Variants in GLIS1 observed in about 807,000 individuals in gnomAD.
GLIS1 encodes GLIS family zinc finger 1.
A neutral mutation model predicts 63.8 loss-of-function variants in GLIS1; 24 were observed. That is an observed-to-expected ratio of 0.38 (90% CI 0.27 to 0.53). The LOEUF (loss-of-function observed/expected upper bound fraction) is 0.53. Among genes scored for constraint, GLIS1 ranks in the 20% least tolerant of loss-of-function variants. The probability of loss-of-function intolerance (pLI) is 0.85; values close to 1 mark genes in which losing one functional copy is unlikely to be tolerated. For missense variants in GLIS1, 1,036 were observed against 1,074.1 expected (o/e 0.96, Z 0.50); for synonymous variants, 450 against 482.5 (o/e 0.93, Z 0.88).
intron 4 of GLIS1, among the ~76,000 whole-genome samples, chr1:53,553,166 C>T (rs1644779231): frequency 6.6e-6 from 1 of 150,928 alleles, no homozygotes; most frequent in African/African-American, 2.5e-5. Flanking sequence ...GGCGAGCACA[C>T]ATTGTGCTTC....
chr1:53,514,438 T>C (rs1644328701), intron 8 of GLIS1, among the ~76,000 whole-genome samples, 187 bp downstream of exon 8: 1 of 152,204 alleles, frequency 6.6e-6, no homozygotes, highest in Non-Finnish European at 1.5e-5. Context: ...TCAGAGTTAC[T>C]GCAGGCACCA....
At chr1:53,597,583 C>G (rs895800996) in intron 3 of GLIS1, among the ~76,000 whole-genome samples, 1 of 151,982 alleles carries the variant, frequency 6.6e-6, no homozygotes, top group Non-Finnish European at 1.5e-5. Context: ...GGAGCCCAGG[C>G]GCTAGTTGCA....
chr1:53,525,005 C>T (rs1293257142), intron 5 of GLIS1, 118 bp from the exon 6 acceptor site: 1 of 750,524 alleles, frequency 1.3e-6, no homozygotes. Flanking sequence ...GCCAAGAGTA[C>T]TCTGCCTCAG....
rs539651772 is a variant in GLIS1, at chr1:53,511,559, C to T, written c.1884-1532G>A. On this transcript the variant is annotated intron_variant, in intron 8 of 10. Coordinates refer to ENST00000628545, the MANE Select transcript of GLIS1 (RefSeq NM_001367484.1). This position sits in a 1 kb window ranked among gnomAD's most constrained non-coding sequence, Gnocchi z 4.2. Reference sequence around the variant, plus strand: ...GGGCCTCGGTGCTGGGTCCCTGGCCCGGCCACTGATACACTGTGGGTCCCT... The same window carrying T: ...GGGCCTCGGTGCTGGGTCCCTGGCCTGGCCACTGATACACTGTGGGTCCCT... 1.3e-5 allele frequency among the ~76,000 whole-genome samples: 2 copies of T among 152,266 alleles called. No homozygotes were observed. The highest frequency in any genetic ancestry group is 4.1e-4 in the South Asian group (2 of 4,824).
chr1:53,634,760 C>G (rs549741664), intron 2 of GLIS1, among the ~76,000 whole-genome samples: 1 of 152,200 alleles, frequency 6.6e-6, no homozygotes, highest in Non-Finnish European at 1.5e-5. Context: ...CCACCTCACA[C>G]GTCCAACCCC....
At chr1:53,604,958 AC>A (rs1645355895) in intron 2 of GLIS1, among the ~76,000 whole-genome samples, 1 of 16,908 alleles carries the variant, frequency 5.9e-5, no homozygotes, top group Non-Finnish European at 1.1e-3. Flanking sequence ...ATATATATAC[AC>A]ACACACACAC....
chr1:53,609,094 C>T (rs764832596), intron 2 of GLIS1, among the ~76,000 whole-genome samples: 1 of 152,056 alleles, frequency 6.6e-6, no homozygotes, highest in Non-Finnish European at 1.5e-5. Context: ...GTGTTTCAAG[C>T]CTGTCACAGA....
At chr1:53,633,600 G>A (rs2100261403) in intron 2 of GLIS1, among the ~76,000 whole-genome samples, 1 of 152,118 alleles carries the variant, frequency 6.6e-6, no homozygotes, top group South Asian at 2.1e-4. Flanking sequence ...TCCATGTCTG[G>A]AAGAAATTAG....
intron 2 of GLIS1, among the ~76,000 whole-genome samples, chr1:53,661,689 C>T (rs946563105): frequency 6.6e-6 from 1 of 152,206 alleles, no homozygotes; most frequent in South Asian, 2.1e-4. Flanking sequence ...ACCCGAGACT[C>T]CTCCTCCCCA....
chr1:53,516,145 T>C (rs1361615499), intron 7 of GLIS1, among the ~76,000 whole-genome samples: 2 of 152,112 alleles, frequency 1.3e-5, no homozygotes, highest in African/African-American at 4.8e-5. Context: ...TCCATTCTGA[T>C]TGGCCAGTGT....
intron 2 of GLIS1, among the ~76,000 whole-genome samples, chr1:53,673,763 A>C (rs1237924040): frequency 6.6e-6 from 1 of 152,236 alleles, no homozygotes. Context: ...ACTCTCCATT[A>C]TACATTCCCT....
chr1:53,627,383 CG>C (rs1157238146), intron 2 of GLIS1, among the ~76,000 whole-genome samples: 2 of 152,146 alleles, frequency 1.3e-5, no homozygotes, highest in African/African-American at 2.4e-5. Context: ...AAGTTATCTG[CG>C]CTTGTGGAGA....
At chr1:53,585,772 T>A (rs1645129066) in intron 4 of GLIS1, among the ~76,000 whole-genome samples, 1 of 152,190 alleles carries the variant, frequency 6.6e-6, no homozygotes. Context: ...GCAGGAGTAC[T>A]GGAATGGGAG....
rs190636248 is a variant in GLIS1 at position 53,601,404 on chromosome 1, T to C, written c.260-1126A>G. Reference sequence around the variant, plus strand: ...GCCTTGCAGATACAATAAAACATGATTGATAGGCCCAAGTATGGCCAACCC... The same window carrying C: ...GCCTTGCAGATACAATAAAACATGACTGATAGGCCCAAGTATGGCCAACCC... On this transcript the variant is annotated intron_variant, in intron 2 of 10. Transcript: ENST00000628545. Among the ~76,000 whole-genome samples, 8 of 152,334 alleles carry C rather than the reference T, an allele frequency of 5.3e-5. No individual in the cohort carries two copies. In the East Asian group the frequency reaches 1.2e-3, roughly 22 times the overall value.
intron 2 of GLIS1, among the ~76,000 whole-genome samples, chr1:53,614,593 A>G (rs1185573909): frequency 6.6e-6 from 1 of 152,216 alleles, no homozygotes; most frequent in Admixed American, 6.5e-5. Context: ...GACAGGTGGG[A>G]AACGCTCTCT....
intron 2 of GLIS1, among the ~76,000 whole-genome samples, chr1:53,731,322 G>A (rs562943805): frequency 1.3e-4 from 20 of 152,326 alleles, no homozygotes; most frequent in African/African-American, 3.8e-4. Flanking sequence ...CCCTACGGAG[G>A]CAGAGTATCC....
At chr1:53,538,010 A>G (rs1434920406) in intron 4 of GLIS1, among the ~76,000 whole-genome samples, 1 of 152,220 alleles carries the variant, frequency 6.6e-6, no homozygotes, top group East Asian at 1.9e-4. Flanking sequence ...GCGTTTGGCC[A>G]GCTTTAAAGG....
intron 4 of GLIS1, among the ~76,000 whole-genome samples, chr1:53,579,292 C>A (rs1050255127): frequency 2.6e-5 from 4 of 152,316 alleles, no homozygotes; most frequent in African/African-American, 9.6e-5. Context: ...TCCTGGGGCC[C>A]AGGCCTACTC....
chr1:53,684,079 G>A (rs1441559598), intron 2 of GLIS1, among the ~76,000 whole-genome samples: 1 of 152,124 alleles, frequency 6.6e-6, no homozygotes, highest in Non-Finnish European at 1.5e-5. Context: ...CCAGCTGGGA[G>A]GTTAAGGGCT....
Sources: gnomAD v4.1 joint callset for allele counts (sites outside exome capture counted in the v4.1 genomes callset) on GRCh38, gnomAD v4.1.1 for gene constraint, Gnocchi (gnomAD v3.1) non-coding constraint, MANE v1.5 for transcripts, NCBI Gene and HGNC (gene_info 2026-07-23, HGNC 2026-07-21) for gene names.